The following MDGA2 variants were observed in gnomAD, a reference collection of about 807,000 sequenced individuals.
MDGA2 encodes MAM domain-containing glycosylphosphatidylinositol anchor protein 2.
Under a neutral mutation model 117.8 loss-of-function variants are expected in MDGA2, and 40 were observed. The observed-to-expected ratio is 0.34, with a 90% CI of 0.26 to 0.44. MDGA2 has a LOEUF of 0.44. Ranked by LOEUF, MDGA2 falls within the 20% of genes least tolerant of loss-of-function variation. The probability of loss-of-function intolerance (pLI) is 1.00; values close to 1 mark genes in which losing one functional copy is unlikely to be tolerated. For synonymous variants in MDGA2, 452 were observed against 439.0 expected, an observed-to-expected ratio of 1.03 and a Z score of -0.37; for missense variants, 1,123 against 1,250.6, an observed-to-expected ratio of 0.90 and a Z score of 1.54.
At chr14:47,405,054 G>A (rs1349140333) in intron 1 of MDGA2, among the ~76,000 whole-genome samples, 2 of 151,972 alleles carry the variant, frequency 1.3e-5, no homozygotes, top group Admixed American at 6.6e-5. Context: ...ATAATTAATC[G>A]GTGCTTTCTA....
intron 1 of MDGA2, among the ~76,000 whole-genome samples, chr14:47,612,171 C>G (rs1896859028): frequency 6.6e-6 from 1 of 151,464 alleles, no homozygotes; most frequent in Admixed American, 6.6e-5. Context: ...ACTGCATTCA[C>G]CAAATTATAT....
intron 1 of MDGA2, among the ~76,000 whole-genome samples, chr14:47,613,130 AGT>A (rs1158421735): frequency 2.6e-5 from 4 of 152,260 alleles, no homozygotes; most frequent in African/African-American, 9.6e-5. Flanking sequence ...CCAACTCTGA[AGT>A]AACTACCATT....
chr14:47,153,476 G>C (rs1183383493), intron 3 of MDGA2, among the ~76,000 whole-genome samples: 1 of 152,122 alleles, frequency 6.6e-6, no homozygotes, highest in Non-Finnish European at 1.5e-5. Context: ...TGGGATGGGA[G>C]TTGTAAAAGG....
rs183974881 is a variant in MDGA2, at chr14:47,325,130, T to G, written c.281-23580A>C. On this transcript the variant is annotated intron_variant, in intron 1 of 16. Transcript: ENST00000399232. Reference sequence around the variant, plus strand: ...GTAATAGAGAAGTGGGAAATAGCATTGAAGATATGGGTATGAAAAGTGGTA... The same window carrying G: ...GTAATAGAGAAGTGGGAAATAGCATGGAAGATATGGGTATGAAAAGTGGTA... 2.0e-4 allele frequency among the ~76,000 whole-genome samples: 31 copies of G among 152,226 alleles called. 1 individual carries two copies. The highest frequency in any genetic ancestry group is 1.5e-3 in the East Asian group (8 of 5,162).
chr14:47,557,243 A>C (rs961221678), intron 1 of MDGA2, among the ~76,000 whole-genome samples: 11 of 152,202 alleles, frequency 7.2e-5, no homozygotes, highest in Admixed American at 4.6e-4. Flanking sequence ...ACTATAAGGG[A>C]GGCAAGATTT....
chr14:47,349,892 A>G (rs1427487160), intron 1 of MDGA2, among the ~76,000 whole-genome samples: 4 of 152,116 alleles, frequency 2.6e-5, no homozygotes, highest in African/African-American at 9.7e-5. Flanking sequence ...GCTGCCTTCC[A>G]TGTGGCTCCA....
At chr14:46,866,161 C>T (rs1026290192) in intron 14 of MDGA2, among the ~76,000 whole-genome samples, 2 of 152,016 alleles carry the variant, frequency 1.3e-5, no homozygotes, top group African/African-American at 4.8e-5. Context: ...GCTACAGTAA[C>T]CAAAACAGCA....
At chr14:47,177,883 TA>T (rs1258045407) in intron 3 of MDGA2, among the ~76,000 whole-genome samples, 1 of 152,152 alleles carries the variant, frequency 6.6e-6, no homozygotes, top group Non-Finnish European at 1.5e-5. Context: ...CATAATATAT[TA>T]AACCTGCTGT....
intron 8 of MDGA2, among the ~76,000 whole-genome samples, chr14:46,976,155 A>G (rs193220954): frequency 6.4e-4 from 97 of 152,316 alleles, no homozygotes; most frequent in Admixed American, 6.0e-3. Flanking sequence ...GATACACAAC[A>G]TTAGGAATGT....
At chr14:46,895,303 G>A (rs1305102017) in intron 10 of MDGA2, among the ~76,000 whole-genome samples, 1 of 152,154 alleles carries the variant, frequency 6.6e-6, no homozygotes, top group Non-Finnish European at 1.5e-5. Context: ...TTACCCCTTT[G>A]CTAGGCACTT....
At chr14:47,339,529 A>T (rs532639715) in intron 1 of MDGA2, among the ~76,000 whole-genome samples, 1 of 152,006 alleles carries the variant, frequency 6.6e-6, no homozygotes, top group African/African-American at 2.4e-5. Flanking sequence ...GTAATGAGTG[A>T]GTTCTTGGTC....
intron 9 of MDGA2, 89 bp downstream of exon 9, chr14:46,957,285 A>T: frequency 7.7e-7 from 1 of 1,298,308 alleles, no homozygotes; most frequent in Non-Finnish European, 1.1e-6. Flanking sequence ...ATTGATTTAC[A>T]AATGTTTTCA....
At chr14:46,879,162 C>T (rs1345840108) in intron 11 of MDGA2, among the ~76,000 whole-genome samples, 1 of 151,988 alleles carries the variant, frequency 6.6e-6, no homozygotes, top group Non-Finnish European at 1.5e-5. Context: ...TTAATCTTGG[C>T]CCCAATCCAA....
chr14:47,079,699 GTTAT>G (rs35545780), intron 6 of MDGA2, among the ~76,000 whole-genome samples: 45,922 of 127,240 alleles, frequency 0.36, 7,908 homozygotes, highest in East Asian at 0.55. Context: ...AATATACTGT[GTTAT>G]TTGTTTCAGC....
At chr14:47,523,606 A>G (rs1435726661) in intron 1 of MDGA2, among the ~76,000 whole-genome samples, 1 of 152,106 alleles carries the variant, frequency 6.6e-6, no homozygotes, top group Non-Finnish European at 1.5e-5. Flanking sequence ...GACAACAGGT[A>G]AGGACCATTC....
rs995787656 is a variant in MDGA2 at position 47,210,411 on chromosome 14, C to T, written c.595+7610G>A. 3.0e-4 allele frequency among the ~76,000 whole-genome samples: 45 copies of T among 152,128 alleles called. 1 individual carries two copies. The highest frequency in any genetic ancestry group is 7.4e-5 in the Non-Finnish European group (5 of 68,018). On this transcript the variant is annotated intron_variant, in intron 3 of 16. Transcript: ENST00000399232. ...AAAACAAGTTTTAATCAAACCCTAA[C>T]CTTTAAAGTCATATGGCCTCTATTA...
chr14:47,173,129 C>A (rs1455074381), intron 3 of MDGA2, among the ~76,000 whole-genome samples: 2 of 152,138 alleles, frequency 1.3e-5, no homozygotes, highest in Non-Finnish European at 2.9e-5. Context: ...AACAAAGCCT[C>A]CAAGACATAT....
chr14:47,556,133 A>T (rs2138787605), intron 1 of MDGA2, among the ~76,000 whole-genome samples: 1 of 152,110 alleles, frequency 6.6e-6, no homozygotes, highest in Admixed American at 6.5e-5. Flanking sequence ...CTTCACTCAA[A>T]TTTCCCAGCA....
chr14:47,209,183 T>C (rs1885794948), intron 3 of MDGA2, among the ~76,000 whole-genome samples: 1 of 152,188 alleles, frequency 6.6e-6, no homozygotes, highest in South Asian at 2.1e-4. Context: ...AAAATACTTT[T>C]AGGTCTATTT....
Sources: gnomAD v4.1 joint callset for allele counts (sites outside exome capture counted in the v4.1 genomes callset) on GRCh38, gnomAD v4.1.1 for gene constraint, MANE v1.5 for transcripts, NCBI Gene and HGNC (gene_info 2026-07-23, HGNC 2026-07-21) for gene names.